PDE4C: variants seen among roughly 807,000 people sequenced by gnomAD.
PDE4C encodes the protein 3',5'-cyclic-AMP phosphodiesterase 4C.
Under a neutral mutation model 63.9 loss-of-function variants are expected in PDE4C, and 50 were observed. That is an observed-to-expected ratio of 0.78 (90% CI 0.62 to 0.99). The LOEUF is 0.99. Among genes scored for constraint, PDE4C ranks in the 50% least tolerant of loss-of-function variants. PDE4C has a pLI of 0.00. For missense variants in PDE4C, 777 were observed against 899.1 expected (o/e 0.86, Z 1.74); for synonymous variants, 377 against 385.1 (o/e 0.98, Z 0.25).
chr19:18,250,353 G>A (rs548607816), upstream of PDE4C: 131 of 399,076 alleles, frequency 3.3e-4, no homozygotes, highest in Non-Finnish European at 5.2e-4. Flanking sequence ...GACTCATTCC[G>A]GTGACAGAAT....
chr19:18,221,766 AG>A (rs1055012610), intron 2 of PDE4C, among the ~76,000 whole-genome samples: 11 of 152,152 alleles, frequency 7.2e-5, no homozygotes, highest in Admixed American at 2.0e-4. Flanking sequence ...CTGGGACTAC[AG>A]GCGCGCGCCA....
At chr19:18,226,007 C>T (rs1034715879) in intron 1 of PDE4C, among the ~76,000 whole-genome samples, 10 of 152,224 alleles carry the variant, frequency 6.6e-5, no homozygotes, top group Middle Eastern at 3.2e-3. Flanking sequence ...AGGAGACAGA[C>T]GGCTGGTCCC....
At chr19:18,251,128 CTT>C (rs71164389), upstream of PDE4C, among the ~76,000 whole-genome samples, 147 of 149,184 alleles carry the variant, frequency 9.9e-4, no homozygotes, top group African/African-American at 3.4e-3. Flanking sequence ...GAGATAGAGT[CTT>C]TTTTTTCCCC....
At chr19:18,224,615 G>A in intron 1 of PDE4C, 1 of 665,796 alleles carries the variant, frequency 1.5e-6, no homozygotes, top group Non-Finnish European at 1.9e-6. Context: ...CGCTCGGTCT[G>A]CTTCGAACAA....
upstream of PDE4C, chr19:18,250,432 C>T (rs957603651): frequency 2.0e-4 from 78 of 399,148 alleles, no homozygotes; most frequent in Middle Eastern, 6.3e-4. Context: ...CCACCACACT[C>T]GGGTTCCTGT....
At chr19:18,248,620 G>A (rs1233450344), upstream of PDE4C, among the ~76,000 whole-genome samples, 1 of 152,082 alleles carries the variant, frequency 6.6e-6, no homozygotes, top group Non-Finnish European at 1.5e-5. Context: ...ATCAACTCAG[G>A]GTCTAGGATA....
Position 18,221,086 on chromosome 19 carries a change from C to T in PDE4C, c.449+19G>A, listed in dbSNP as rs1214154538. 8.2e-7 allele frequency: 1 copy of T among 1,214,520 alleles called. No individual in the cohort carries two copies. The highest frequency in any genetic ancestry group is 1.1e-6 in the Non-Finnish European group (1 of 894,836). 75.2% of individuals were successfully genotyped at this position (1,214,520 alleles called of 1,614,324 possible). Reference sequence around the variant, plus strand: ...GTCTCTGCCGGCCCCGCCCCCGCCCCGCCCCGCCCTCTACCTACTTGGCTG... The same window carrying T: ...GTCTCTGCCGGCCCCGCCCCCGCCCTGCCCCGCCCTCTACCTACTTGGCTG... On this transcript the variant is annotated intron_variant, in intron 4 of 14. Transcript: ENST00000262805.
At chr19:18,247,068 G>A (rs1969146476) in intron 1 of PDE4C, among the ~76,000 whole-genome samples, 1 of 152,218 alleles carries the variant, frequency 6.6e-6, no homozygotes. Context: ...CACTGGCTGT[G>A]ATCTGAAGTT....
chr19:18,237,745 C>T (rs913444174), upstream of PDE4C, among the ~76,000 whole-genome samples: 2 of 151,122 alleles, frequency 1.3e-5, no homozygotes, highest in Admixed American at 6.6e-5. Flanking sequence ...TGGTGGCGGG[C>T]GCCTGTAGTC....
rs553089000 is a variant in PDE4C, at chr19:18,217,204, A to C, written c.1235-309T>G. On this transcript the variant is annotated intron_variant, in intron 11 of 14. Coordinates refer to ENST00000262805, the Ensembl canonical transcript of PDE4C. ...TTTTTAGAGACAGGGTCTTGCTGTC[A>C]CCCAGGCTGGAGTGCAGTGGTGCAA... 7 of 196,470 alleles carry C rather than the reference A, an allele frequency of 3.6e-5. No individual in the cohort carries two copies. The South Asian group carries it at 6.5e-4, about 18-fold the overall frequency. The allele number at this position is 196,470 out of a possible 1,614,324, so 12.2% of individuals were successfully genotyped here.
chr19:18,214,246 G>A (rs1260518739), intron 12 of PDE4C, among the ~76,000 whole-genome samples: 3 of 146,772 alleles, frequency 2.0e-5, no homozygotes, highest in Admixed American at 6.9e-5. Flanking sequence ...GCAAGACTCC[G>A]TCTCAAAAAA....
intron 1 of PDE4C, among the ~76,000 whole-genome samples, chr19:18,241,255 GTTTTTTTTTTTTTTTT>G (rs200717537): frequency 1.3e-4 from 10 of 78,510 alleles, no homozygotes; most frequent in African/African-American, 1.5e-4. Flanking sequence ...TTCTTCTCTT[GTTTTTTTTTTTTTTTT>G]TTTTTTTTTT....
chr19:18,222,335 G>C lies in PDE4C; in HGVS notation c.147-12C>G, dbSNP rs758065482. The C allele has an allele frequency of 2.1e-5, 33 of 1,604,350 alleles. No homozygotes were observed. In the East Asian group the frequency reaches 7.4e-4, roughly 36 times the overall value. On this transcript the variant is annotated splice_polypyrimidine_tract_variant and intron_variant, in intron 1 of 14. Coordinates refer to ENST00000262805, the Ensembl canonical transcript of PDE4C. ...TTTCCAGGTCAAAGCTGAAAGGAGA[G>C]ACGGCATGGTCAGAGACGAGGGTCA...
chr19:18,237,647 C>T (rs867553801), upstream of PDE4C, among the ~76,000 whole-genome samples: 5 of 151,222 alleles, frequency 3.3e-5, no homozygotes, highest in East Asian at 2.0e-4. Flanking sequence ...CTGAGGCAGG[C>T]GGATCACGAG....
intron 1 of PDE4C, among the ~76,000 whole-genome samples, chr19:18,242,533 G>T (rs543931836): frequency 7.3e-6 from 1 of 137,210 alleles, no homozygotes; most frequent in Non-Finnish European, 1.5e-5. Flanking sequence ...TGTAATCCCA[G>T]CATTTTGGGA....
intron 2 of PDE4C, 130 bp from the exon 3 acceptor site, chr19:18,221,427 TC>T: frequency 1.1e-6 from 1 of 873,858 alleles, no homozygotes; most frequent in Non-Finnish European, 1.7e-6. Flanking sequence ...GTCCCTGGGG[TC>T]CCCTCATGCG....
chr19:18,229,322 C>A (rs1968802474), upstream of PDE4C, among the ~76,000 whole-genome samples: 1 of 151,966 alleles, frequency 6.6e-6, no homozygotes, highest in Non-Finnish European at 1.5e-5. Flanking sequence ...CTCACTGCAA[C>A]CTCTGCCTCC....
intron 1 of PDE4C, among the ~76,000 whole-genome samples, chr19:18,225,225 A>G (rs1249279906): frequency 6.6e-6 from 1 of 152,158 alleles, no homozygotes; most frequent in Non-Finnish European, 1.5e-5. Flanking sequence ...AAACTGAGCC[A>G]GGGAGGCTCG....
intron 1 of PDE4C, among the ~76,000 whole-genome samples, chr19:18,242,357 G>A (rs1415673972): frequency 6.6e-6 from 1 of 151,640 alleles, no homozygotes; most frequent in African/African-American, 2.4e-5. Context: ...GTGCCTGTAA[G>A]CCCAGCTACT....
Sources: allele counts gnomAD v4.1 joint callset (sites outside exome capture counted in the v4.1 genomes callset), GRCh38; gene constraint gnomAD v4.1.1; transcripts MANE v1.5; gene names NCBI Gene and HGNC (gene_info 2026-07-23, HGNC 2026-07-21).